Variants in PTPRM observed in about 807,000 individuals in gnomAD.
The protein encoded by PTPRM is receptor-type tyrosine-protein phosphatase mu.
Under a neutral mutation model 186.7 loss-of-function variants are expected in PTPRM, and 47 were observed. That is an observed-to-expected ratio of 0.25 (90% CI 0.20 to 0.32). The LOEUF (loss-of-function observed/expected upper bound fraction) is 0.32, where lower values mean the gene tolerates loss of function less well. Ranked by LOEUF, PTPRM falls within the 10% of genes least tolerant of loss-of-function variation. The probability of loss-of-function intolerance (pLI) is 1.00; values close to 1 mark genes in which losing one functional copy is unlikely to be tolerated. For synonymous variants in PTPRM, 668 were observed against 674.9 expected (o/e 0.99, Z 0.16); for missense variants, 1,494 against 1,865.0 (o/e 0.80, Z 3.66).
At chr18:7,801,301 AT>A (rs1238975956) in intron 2 of PTPRM, among the ~76,000 whole-genome samples, 1 of 152,028 alleles carries the variant, frequency 6.6e-6, no homozygotes, top group Non-Finnish European at 1.5e-5. Context: ...AAATTTATTG[AT>A]TTTTTTCTTT....
At chr18:8,346,511 T>A (rs549497111) in intron 23 of PTPRM, among the ~76,000 whole-genome samples, 1 of 152,314 alleles carries the variant, frequency 6.6e-6, no homozygotes, top group Non-Finnish European at 1.5e-5. Flanking sequence ...ATTATCTCCT[T>A]GGAGGCCTGT....
At chr18:8,182,364 A>G (rs1191647809) in intron 14 of PTPRM, among the ~76,000 whole-genome samples, 1 of 151,942 alleles carries the variant, frequency 6.6e-6, no homozygotes, top group Non-Finnish European at 1.5e-5. Flanking sequence ...CTTGCTCCAC[A>G]CCCTCCCTCC....
chr18:7,917,529 CT>C (rs1218138851), intron 4 of PTPRM, among the ~76,000 whole-genome samples: 3 of 152,066 alleles, frequency 2.0e-5, no homozygotes, highest in Non-Finnish European at 2.9e-5. Flanking sequence ...GAGTGAGACT[CT>C]GTCTAAAAAA....
Position 7,754,890 on chromosome 18 carries a change from G to A in PTPRM, c.74-19259G>A, listed in dbSNP as rs554003646. ...TGCAGGGAATGTGAACTTTGAACTA[G>A]TTAGAGATTATTCACTGTGAGGCTT... is the stretch of plus-strand genomic sequence containing the variant. On this transcript the variant is annotated intron_variant, in intron 1 of 32. Transcript: ENST00000580170. The A allele has an allele frequency of 2.0e-5, 3 of 152,240 alleles. No homozygotes were observed. The East Asian group carries it at 5.8e-4, about 29-fold the overall frequency. 9.4% of individuals were successfully genotyped at this position (152,240 alleles called of 1,614,324 possible).
At chr18:8,106,479 A>G (rs8086880) in intron 11 of PTPRM, among the ~76,000 whole-genome samples, 153 of 152,302 alleles carry the variant, frequency 1.0e-3, no homozygotes, top group African/African-American at 3.6e-3. Flanking sequence ...TAACGTAGAG[A>G]TTGACACATC....
chr18:7,810,358 G>C (rs2044446192), intron 2 of PTPRM, among the ~76,000 whole-genome samples: 1 of 152,230 alleles, frequency 6.6e-6, no homozygotes, highest in South Asian at 2.1e-4. Context: ...TAACTGTGAG[G>C]ATACAGTGTG....
rs565746233 is a variant in PTPRM at position 8,343,273 on chromosome 18, A to G, written c.2957-150A>G. ...CTATAGGTGCAGTTTTAGAAAGAGTATCTTTTTGCATTGACACTAGAGACC... is the reference window on the plus strand; with the variant it reads ...CTATAGGTGCAGTTTTAGAAAGAGTGTCTTTTTGCATTGACACTAGAGACC... On this transcript the variant is annotated intron_variant, in intron 22 of 32. Transcript: ENST00000580170. 4.3e-4 allele frequency: 223 copies of G among 519,300 alleles called. 2 individuals carry two copies. The Middle Eastern group carries it at 8.3e-3, about 19-fold the overall frequency. 32.2% of individuals were successfully genotyped at this position (519,300 alleles called of 1,614,324 possible).
intron 1 of PTPRM, among the ~76,000 whole-genome samples, chr18:7,603,967 C>A (rs2037468614): frequency 6.6e-6 from 1 of 152,188 alleles, no homozygotes; most frequent in Non-Finnish European, 1.5e-5. Flanking sequence ...AAGTGGGGAT[C>A]AGTGCCTTAC....
intron 20 of PTPRM, among the ~76,000 whole-genome samples, chr18:8,298,041 G>A (rs148837488): frequency 1.3e-5 from 2 of 152,300 alleles, no homozygotes; most frequent in African/African-American, 4.8e-5. Flanking sequence ...TGGTGCCCCT[G>A]TCCCCAGGAC....
intron 14 of PTPRM, among the ~76,000 whole-genome samples, chr18:8,239,073 C>T (rs112775071): frequency 0.12 from 18,115 of 148,098 alleles, 1,432 homozygotes; most frequent in Non-Finnish European, 0.18. Flanking sequence ...TATACATGTG[C>T]CATGCTGGTG....
At chr18:8,201,817 G>C (rs2093861966) in intron 14 of PTPRM, among the ~76,000 whole-genome samples, 1 of 152,074 alleles carries the variant, frequency 6.6e-6, no homozygotes, top group African/African-American at 2.4e-5. Context: ...TTGAGGATAG[G>C]GATTCGACAT....
At chr18:7,899,510 A>G (rs901664338) in intron 3 of PTPRM, among the ~76,000 whole-genome samples, 7 of 152,210 alleles carry the variant, frequency 4.6e-5, no homozygotes, top group African/African-American at 7.2e-5. Context: ...TTATTTCATA[A>G]TAAGATAAGG....
rs759957676 is a variant in PTPRM at position 8,165,573 on chromosome 18, G to A, written c.2300+21794G>A. ...CCACAATACCCCAGAGTTAGGCAGC[G>A]TGTACCGCCAAAACACTGGTGATGC... On this transcript the variant is annotated intron_variant, in intron 14 of 32. Coordinates refer to ENST00000580170, the MANE Select transcript of PTPRM (RefSeq NM_001105244.2). Among the ~76,000 whole-genome samples, 13 of 152,304 alleles carry A rather than the reference G, an allele frequency of 8.5e-5. No individual in the cohort carries two copies. The South Asian group carries it at 1.2e-3, about 15-fold the overall frequency.
chr18:8,118,811 A>AT (rs1555749530), intron 13 of PTPRM, among the ~76,000 whole-genome samples: 13,367 of 127,698 alleles, frequency 0.1, 790 homozygotes, highest in Non-Finnish European at 0.14. Context: ...AAAAAAAAAA[A>AT]ATATATATAT....
At chr18:8,209,755 T>A (rs1451807878) in intron 14 of PTPRM, among the ~76,000 whole-genome samples, 2 of 151,810 alleles carry the variant, frequency 1.3e-5, no homozygotes, top group Admixed American at 1.3e-4. Context: ...TTCTCACTCA[T>A]AAGTGGGAGT....
intron 5 of PTPRM, among the ~76,000 whole-genome samples, chr18:7,934,428 G>C (rs965540072): frequency 1.3e-5 from 2 of 152,082 alleles, no homozygotes; most frequent in African/African-American, 4.8e-5. Flanking sequence ...TTTTGTTTTT[G>C]AGCTCAGATA....
chr18:8,258,496 T>A (rs1231066616), intron 19 of PTPRM, among the ~76,000 whole-genome samples: 1 of 152,104 alleles, frequency 6.6e-6, no homozygotes, highest in Non-Finnish European at 1.5e-5. Flanking sequence ...GTTGTGGTGA[T>A]CCTGTGCGAG....
intron 13 of PTPRM, among the ~76,000 whole-genome samples, chr18:8,122,866 G>T (rs2092224373): frequency 6.6e-6 from 1 of 152,178 alleles, no homozygotes; most frequent in Admixed American, 6.5e-5. Context: ...AGAGCTGATT[G>T]CATTCCTTAT....
intron 32 of PTPRM, among the ~76,000 whole-genome samples, chr18:8,397,912 A>G (rs796558637): frequency 2.6e-5 from 4 of 152,252 alleles, no homozygotes; most frequent in African/African-American, 9.6e-5. Flanking sequence ...ACTCCCCTCC[A>G]CAGCCTAGTG....
Sources: gnomAD v4.1 joint callset for allele counts (sites outside exome capture counted in the v4.1 genomes callset) on GRCh38, gnomAD v4.1.1 for gene constraint, MANE v1.5 for transcripts, NCBI Gene and HGNC (gene_info 2026-07-23, HGNC 2026-07-21) for gene names.